The following SORCS2 variants were observed in gnomAD, a reference collection of about 807,000 sequenced individuals.
SORCS2 encodes sortilin related VPS10 domain containing receptor 2.
SORCS2 carries 100 observed loss-of-function variants against 141.6 expected under a neutral mutation model. That is an observed-to-expected ratio of 0.71 (90% CI 0.60 to 0.83). The LOEUF (loss-of-function observed/expected upper bound fraction) is 0.83. Among genes scored for constraint, SORCS2 ranks in the 40% least tolerant of loss-of-function variants. The pLI, the probability that SORCS2 is intolerant of heterozygous loss-of-function variation, is 0.00. For synonymous variants in SORCS2, 789 were observed against 676.9 expected (o/e 1.17, Z -2.57); for missense variants, 1,646 against 1,560.2 (o/e 1.05, Z -0.93).
chr4:7,639,615 G>A lies in SORCS2; in HGVS notation c.813+1123G>A, dbSNP rs139704093. 5.3e-5 allele frequency among the ~76,000 whole-genome samples: 8 copies of A among 151,598 alleles called. No homozygotes were observed. The East Asian group carries it at 1.2e-3, about 22-fold the overall frequency. On this transcript the variant is annotated intron_variant, in intron 4 of 26. Coordinates refer to ENST00000507866, the MANE Select transcript of SORCS2 (RefSeq NM_020777.3). The stretch of plus-strand genomic sequence containing the variant: ...AGTGTGGGTGTGAGTGTATATGTGC[G>A]TGTGAATGTGTGGGTGTGTGGGAGT...
intron 3 of SORCS2, among the ~76,000 whole-genome samples, chr4:7,554,401 T>C (rs1482608655): frequency 6.6e-6 from 1 of 152,112 alleles, no homozygotes; most frequent in Non-Finnish European, 1.5e-5. Flanking sequence ...TTGGAGACAC[T>C]ACATGTGGGA....
At chr4:7,374,195 C>CT (rs112732321) in intron 1 of SORCS2, among the ~76,000 whole-genome samples, 8 of 138,662 alleles carry the variant, frequency 5.8e-5, no homozygotes. Flanking sequence ...TTCTTTCTTT[C>CT]TTTTTTGCAG....
chr4:7,516,463 A>G (rs763170622), intron 2 of SORCS2, among the ~76,000 whole-genome samples: 46 of 151,888 alleles, frequency 3.0e-4, no homozygotes, highest in Non-Finnish European at 6.6e-4. Flanking sequence ...ACGTGGGAGG[A>G]GAGGCACCTA....
chr4:7,508,021 A>G (rs914801318), intron 2 of SORCS2, among the ~76,000 whole-genome samples: 189 of 152,128 alleles, frequency 1.2e-3, no homozygotes, highest in African/African-American at 4.1e-3. Context: ...CAGTGGGTAA[A>G]GTGGACTCAC....
chr4:7,468,914 G>C (rs749486827), intron 2 of SORCS2, among the ~76,000 whole-genome samples: 13 of 152,192 alleles, frequency 8.5e-5, no homozygotes, highest in Non-Finnish European at 1.8e-4. Flanking sequence ...TCTGGTGGCC[G>C]TGTGACCTTG....
intron 7 of SORCS2, 107 bp from the exon 8 acceptor site, chr4:7,667,017 A>C: frequency 3.0e-6 from 3 of 1,009,286 alleles, no homozygotes; most frequent in Non-Finnish European, 4.6e-6. Context: ...GAAGGAAAGT[A>C]AAAGGGCATT....
chr4:7,325,555 TG>T (rs1195765189), intron 1 of SORCS2, among the ~76,000 whole-genome samples: 2 of 152,182 alleles, frequency 1.3e-5, no homozygotes, highest in African/African-American at 2.4e-5. Flanking sequence ...AGGGCCTAAA[TG>T]GGGCTGGGGG....
chr4:7,713,108 T>C (rs1725937868), intron 15 of SORCS2, among the ~76,000 whole-genome samples: 1 of 152,012 alleles, frequency 6.6e-6, no homozygotes, highest in Non-Finnish European at 1.5e-5. Flanking sequence ...GGCTACAGTC[T>C]CTACTCCAGC....
intron 2 of SORCS2, among the ~76,000 whole-genome samples, chr4:7,446,328 C>T (rs536910273): frequency 4.6e-5 from 7 of 152,342 alleles, no homozygotes; most frequent in Admixed American, 6.5e-5. Flanking sequence ...CTTTCAGCAC[C>T]GCCCCTGCCA....
intron 1 of SORCS2, among the ~76,000 whole-genome samples, chr4:7,392,507 T>TGCTG (rs1163368599): frequency 6.6e-6 from 1 of 152,152 alleles, no homozygotes; most frequent in African/African-American, 2.4e-5. Flanking sequence ...TTCCGCTCTG[T>TGCTG]GCTGGGCTCA....
At chr4:7,498,547 G>C (rs1439669243) in intron 2 of SORCS2, among the ~76,000 whole-genome samples, 1 of 152,258 alleles carries the variant, frequency 6.6e-6, no homozygotes, top group Non-Finnish European at 1.5e-5. Flanking sequence ...AAAGGGTGCA[G>C]AGAGCACGCC....
chr4:7,473,884 C>T (rs1730132104), intron 2 of SORCS2, among the ~76,000 whole-genome samples: 1 of 152,200 alleles, frequency 6.6e-6, no homozygotes. Flanking sequence ...GCCCACTTCA[C>T]CTCCTTCCAG....
rs1049916187 is a variant in SORCS2, at chr4:7,511,343, G to C, written c.549-20187G>C. On this transcript the variant is annotated intron_variant, in intron 2 of 26. Transcript: ENST00000507866. ...ACACACAAATACACAACTAGAGAGA[G>C]GGAGGGAGAGAGAGAGAGAGAGTGA... 6.2e-4 allele frequency among the ~76,000 whole-genome samples: 89 copies of C among 143,454 alleles called. 1 individual carries two copies. In the Admixed American group the frequency reaches 6.4e-3, roughly 10 times the overall value. The allele number at this position is 143,454 out of a possible 152,430, so 94.1% of individuals were successfully genotyped here.
chr4:7,314,800 G>GTTTTTTT (rs397880294), intron 1 of SORCS2, among the ~76,000 whole-genome samples: 46 of 109,834 alleles, frequency 4.2e-4, no homozygotes, highest in African/African-American at 1.1e-3. Flanking sequence ...CCACTGTTCT[G>GTTTTTTT]TTTTTTTTTT....
At chr4:7,676,269 C>A in intron 9 of SORCS2, 40 bp downstream of exon 9, 1 of 1,539,678 alleles carries the variant, frequency 6.5e-7, no homozygotes, top group African/African-American at 1.4e-5. Flanking sequence ...TGCCGCCGAC[C>A]CCCTGCCCTC....
intron 4 of SORCS2, among the ~76,000 whole-genome samples, chr4:7,652,484 C>A (rs1181046289): frequency 6.6e-6 from 1 of 152,094 alleles, no homozygotes; most frequent in African/African-American, 2.4e-5. Context: ...AGACCTGGGG[C>A]ACTGACCCGT....
rs183632790 is a variant in SORCS2, at chr4:7,365,599, T to A, written c.481-30689T>A. Among the ~76,000 whole-genome samples the A allele has an allele frequency of 8.6e-5, 13 of 152,040 alleles. No homozygotes were observed. In the East Asian group the frequency reaches 2.1e-3, roughly 25 times the overall value. On this transcript the variant is annotated intron_variant, in intron 1 of 26. Transcript: ENST00000507866. ...ATGTGTAAAACAGAGACACGTGGGG[T>A]CCCTGCCATCAGTGTGGAATAAGAG...
intron 2 of SORCS2, among the ~76,000 whole-genome samples, chr4:7,402,459 C>T (rs1724653893): frequency 6.6e-6 from 1 of 152,148 alleles, no homozygotes; most frequent in South Asian, 2.1e-4. Context: ...ATTACTTTGC[C>T]TTTTGAAGTT....
At chr4:7,453,775 G>T (rs1577589866) in intron 2 of SORCS2, among the ~76,000 whole-genome samples, 1 of 135,398 alleles carries the variant, frequency 7.4e-6, no homozygotes, top group Admixed American at 7.1e-5. Context: ...GGGGTCAGGT[G>T]CTGTGTGTTG....
Sources: gnomAD v4.1 joint callset for allele counts (sites outside exome capture counted in the v4.1 genomes callset) on GRCh38, gnomAD v4.1.1 for gene constraint, MANE v1.5 for transcripts, NCBI Gene and HGNC (gene_info 2026-07-23, HGNC 2026-07-21) for gene names.